The following CSMD1 variants were observed in gnomAD, a reference collection of about 807,000 sequenced individuals.
CSMD1 encodes CUB and sushi domain-containing protein 1.
In CSMD1, 213 loss-of-function variants were observed where a neutral mutation model predicts 417.5. The ratio of observed to expected loss-of-function variants is 0.51; its 90% CI spans 0.46 to 0.57. The LOEUF (loss-of-function observed/expected upper bound fraction) is 0.57, where lower values mean the gene tolerates loss of function less well. Ranked by LOEUF, CSMD1 falls within the 20% of genes least tolerant of loss-of-function variation. The pLI, the probability that CSMD1 is intolerant of heterozygous loss-of-function variation, is 0.00. For missense variants in CSMD1, 6,923 were observed against 4,529.7 expected, an observed-to-expected ratio of 1.53 and a Z score of -15.17; for synonymous variants, 2,862 against 1,736.8, an observed-to-expected ratio of 1.65 and a Z score of -16.11.
intron 44 of CSMD1, among the ~76,000 whole-genome samples, chr8:3,108,039 A>G (rs1816259395): frequency 1.3e-5 from 2 of 152,186 alleles, no homozygotes; most frequent in South Asian, 2.1e-4. Context: ...AAAGTATACC[A>G]TTTAAATAAA....
intron 6 of CSMD1, among the ~76,000 whole-genome samples, chr8:3,738,632 A>G (rs1321011441): frequency 6.6e-6 from 1 of 152,200 alleles, no homozygotes; most frequent in Non-Finnish European, 1.5e-5. Flanking sequence ...GAGGGGACCA[A>G]GAGAAGACAT....
At chr8:3,848,385 C>G (rs140531859) in intron 5 of CSMD1, among the ~76,000 whole-genome samples, 1 of 152,168 alleles carries the variant, frequency 6.6e-6, no homozygotes, top group African/African-American at 2.4e-5. Context: ...TTTTTCTCAG[C>G]CTTCTCTAGG....
At chr8:4,165,170 C>T (rs748504012) in intron 3 of CSMD1, among the ~76,000 whole-genome samples, 1 of 152,070 alleles carries the variant, frequency 6.6e-6, no homozygotes, top group African/African-American at 2.4e-5. Context: ...AATATGATAC[C>T]TACGCCTAGC....
At chr8:3,558,429 C>A (rs1295465836) in intron 10 of CSMD1, among the ~76,000 whole-genome samples, 1 of 149,030 alleles carries the variant, frequency 6.7e-6, no homozygotes, top group Non-Finnish European at 1.5e-5. Flanking sequence ...AATGGTACCC[C>A]GTGTCCACTC....
In CSMD1 at chr8:3,783,216, T is replaced by A. The variant is rs187395412; in HGVS notation, c.819-29174A>T. Reference sequence around the variant, plus strand: ...ATCACCATTCTTTCTTGTTCCTGGATAGCAGTGCATGGTCAGGCCGATACT... The same window carrying A: ...ATCACCATTCTTTCTTGTTCCTGGAAAGCAGTGCATGGTCAGGCCGATACT... On this transcript the variant is annotated intron_variant, in intron 5 of 69. Transcript: ENST00000635120. Among the ~76,000 whole-genome samples the A allele has an allele frequency of 7.9e-5, 12 of 152,354 alleles. No individual in the cohort carries two copies. The East Asian group carries it at 2.3e-3, about 29-fold the overall frequency.
At chr8:4,059,362 C>T (rs1412353760) in intron 3 of CSMD1, among the ~76,000 whole-genome samples, 1 of 152,086 alleles carries the variant, frequency 6.6e-6, no homozygotes, top group Non-Finnish European at 1.5e-5. Context: ...AATGGACACC[C>T]TAACATCACA....
chr8:4,009,864 G>C (rs1816409868), intron 4 of CSMD1, among the ~76,000 whole-genome samples: 1 of 151,806 alleles, frequency 6.6e-6, no homozygotes, highest in Admixed American at 6.6e-5. Flanking sequence ...CCATTAAGAG[G>C]GTACTCTCGT....
At chr8:4,681,260 C>T (rs377549019) in intron 1 of CSMD1, among the ~76,000 whole-genome samples, 3 of 152,112 alleles carry the variant, frequency 2.0e-5, no homozygotes, top group African/African-American at 7.2e-5. Context: ...ATGAATAAAT[C>T]CAGTCTGCTT....
At chr8:3,143,432 G>A (rs530508161) in intron 40 of CSMD1, among the ~76,000 whole-genome samples, 1 of 152,156 alleles carries the variant, frequency 6.6e-6, no homozygotes, top group African/African-American at 2.4e-5. Context: ...CAAATGACCA[G>A]TATCTCTGAT....
intron 3 of CSMD1, among the ~76,000 whole-genome samples, chr8:4,295,382 A>C (rs1797618655): frequency 6.9e-6 from 1 of 144,418 alleles, no homozygotes; most frequent in Non-Finnish European, 1.5e-5. Flanking sequence ...ATCTTATTAT[A>C]CACATATAAT....
intron 3 of CSMD1, among the ~76,000 whole-genome samples, chr8:4,410,866 T>G (rs1796614785): frequency 6.6e-6 from 1 of 152,152 alleles, no homozygotes; most frequent in African/African-American, 2.4e-5. Context: ...TGTAATAAGT[T>G]TGGAAGGAGG....
At chr8:3,317,512 G>C (rs578115800) in intron 23 of CSMD1, among the ~76,000 whole-genome samples, 25 of 152,230 alleles carry the variant, frequency 1.6e-4, no homozygotes, top group African/African-American at 5.3e-4. Context: ...TTAAGTGTTT[G>C]TTTTGTTGTA....
chr8:4,792,258 C>G (rs192149721), intron 1 of CSMD1, among the ~76,000 whole-genome samples: 1 of 152,196 alleles, frequency 6.6e-6, no homozygotes, highest in African/African-American at 2.4e-5. Context: ...AGTGATAAAA[C>G]AAGCAAACAC....
intron 3 of CSMD1, among the ~76,000 whole-genome samples, chr8:4,172,952 C>G (rs1173112806): frequency 2.0e-5 from 3 of 152,076 alleles, no homozygotes; most frequent in African/African-American, 7.3e-5. Flanking sequence ...ACCTCGAGGG[C>G]TGAGGCAGGC....
At chr8:3,555,713 A>T (rs1213796450) in intron 10 of CSMD1, among the ~76,000 whole-genome samples, 1 of 152,150 alleles carries the variant, frequency 6.6e-6, no homozygotes, top group Non-Finnish European at 1.5e-5. Flanking sequence ...TGTGTCTATC[A>T]TATTTGAGTT....
chr8:4,657,980 G>C (rs868581780), intron 1 of CSMD1, among the ~76,000 whole-genome samples: 2 of 109,378 alleles, frequency 1.8e-5, no homozygotes, highest in African/African-American at 3.2e-5. Flanking sequence ...GTTGGTTAAA[G>C]CAGGTAGAAG....
At chr8:4,957,976 T>C (rs1809233548) in intron 1 of CSMD1, among the ~76,000 whole-genome samples, 1 of 152,172 alleles carries the variant, frequency 6.6e-6, no homozygotes, top group South Asian at 2.1e-4. Flanking sequence ...TAAGATGTTA[T>C]TTTTTCCATA....
chr8:3,600,158 G>T (rs1322636421), intron 8 of CSMD1, among the ~76,000 whole-genome samples: 1 of 152,176 alleles, frequency 6.6e-6, no homozygotes, highest in African/African-American at 2.4e-5. Flanking sequence ...GGTGGCATCA[G>T]CAAGCTGAAA....
At chr8:3,953,957 C>T (rs907667050) in intron 5 of CSMD1, among the ~76,000 whole-genome samples, 2 of 152,196 alleles carry the variant, frequency 1.3e-5, no homozygotes, top group Non-Finnish European at 2.9e-5. Flanking sequence ...TCGCCTTAGG[C>T]TGGGAGCGCA....
Sources: allele counts gnomAD v4.1 joint callset (sites outside exome capture counted in the v4.1 genomes callset), GRCh38; gene constraint gnomAD v4.1.1; transcripts MANE v1.5; gene names NCBI Gene and HGNC (gene_info 2026-07-23, HGNC 2026-07-21).